SERGEF: variants seen among roughly 807,000 people sequenced by gnomAD.
SERGEF encodes secretion regulating guanine nucleotide exchange factor, also known as secretion-regulating guanine nucleotide exchange factor.
Under a neutral mutation model 50.0 loss-of-function variants are expected in SERGEF, and 51 were observed. The ratio of observed to expected loss-of-function variants is 1.02; its 90% CI spans 0.81 to 1.29. The LOEUF (loss-of-function observed/expected upper bound fraction) is 1.29, where lower values mean the gene tolerates loss of function less well. Ranked by LOEUF, SERGEF falls within the 50% of genes most tolerant of loss-of-function variation. SERGEF has a pLI of 0.00. For synonymous variants in SERGEF, 205 were observed against 212.4 expected (o/e 0.97, Z 0.30); for missense variants, 521 against 557.0 (o/e 0.94, Z 0.65).
chr11:17,972,979 GT>G (rs1315553929), intron 8 of SERGEF, among the ~76,000 whole-genome samples: 1 of 151,054 alleles, frequency 6.6e-6, no homozygotes, highest in Non-Finnish European at 1.5e-5. Context: ...ATCATCAGCA[GT>G]TTCCATCTCT....
At chr11:17,808,847 G>A (rs542526429) in intron 10 of SERGEF, among the ~76,000 whole-genome samples, 1 of 152,282 alleles carries the variant, frequency 6.6e-6, no homozygotes, top group African/African-American at 2.4e-5. Flanking sequence ...ACACTTTATA[G>A]GGTCATGACC....
chr11:17,925,836 C>G (rs1852239672), intron 9 of SERGEF, among the ~76,000 whole-genome samples: 1 of 152,130 alleles, frequency 6.6e-6, no homozygotes, highest in African/African-American at 2.4e-5. Context: ...CTCAAAAGAC[C>G]TGAATTCCAG....
At chr11:17,994,659 C>T (rs1853798354) in intron 6 of SERGEF, among the ~76,000 whole-genome samples, 1 of 152,036 alleles carries the variant, frequency 6.6e-6, no homozygotes, top group Admixed American at 6.6e-5. Context: ...TCCAAGTTTA[C>T]ATTATACATG....
intron 10 of SERGEF, among the ~76,000 whole-genome samples, chr11:17,845,118 C>T (rs553075494): frequency 6.6e-6 from 1 of 152,298 alleles, no homozygotes; most frequent in South Asian, 2.1e-4. Context: ...CAGCCATCTC[C>T]ACCAGGTTCC....
In SERGEF at chr11:17,830,649, G is replaced by GGAGAGAGAGAGAGA. The variant is rs55967425; in HGVS notation, c.1049-42250_1049-42237dup. ...GAGGGAAAGGGGGAGGGAGAGGGAGGGAGAGAGAGAGAGAGAGAGAGAGAG... is the reference window on the plus strand; with the variant it reads ...GAGGGAAAGGGGGAGGGAGAGGGAGGGAGAGAGAGAGAGAGAGAGAGAGAGAGAGAGAGAGAGAG... On this transcript the variant is annotated intron_variant, in intron 10 of 10. Coordinates refer to ENST00000265965, the MANE Select transcript of SERGEF (RefSeq NM_012139.4). 7.3e-4 allele frequency among the ~76,000 whole-genome samples: 57 copies of GGAGAGAGAGAGAGA among 77,746 alleles called. 3 individuals carry two copies. The highest frequency in any genetic ancestry group is 1.4e-3 in the African/African-American group (24 of 17,334). The allele number at this position is 77,746 out of a possible 152,430, so 51.0% of individuals were successfully genotyped here.
intron 9 of SERGEF, among the ~76,000 whole-genome samples, chr11:17,952,386 A>C (rs144905082): frequency 6.6e-6 from 1 of 152,166 alleles, no homozygotes; most frequent in South Asian, 2.1e-4. Flanking sequence ...CTCTCTTCAC[A>C]TATCCCCTTG....
At chr11:17,925,371 T>C (rs956398547) in intron 9 of SERGEF, among the ~76,000 whole-genome samples, 1 of 151,636 alleles carries the variant, frequency 6.6e-6, no homozygotes, top group Non-Finnish European at 1.5e-5. Context: ...GCAGAAGAAA[T>C]ACGCTACTGC....
chr11:17,862,022 T>A (rs1229099780), intron 10 of SERGEF, among the ~76,000 whole-genome samples: 2 of 152,232 alleles, frequency 1.3e-5, no homozygotes, highest in South Asian at 2.1e-4. Flanking sequence ...CCCCACAGGA[T>A]GAAGTTCTAG....
At chr11:17,882,534 T>G (rs560783352) in intron 9 of SERGEF, among the ~76,000 whole-genome samples, 1 of 152,048 alleles carries the variant, frequency 6.6e-6, no homozygotes, top group Non-Finnish European at 1.5e-5. Context: ...CCCACAGCAC[T>G]ATGTATCATG....
chr11:17,930,348 A>G (rs946840883), intron 9 of SERGEF, among the ~76,000 whole-genome samples: 10 of 152,212 alleles, frequency 6.6e-5, no homozygotes, highest in African/African-American at 2.4e-4. Context: ...AACTTATCAA[A>G]ACAGGATTCA....
chr11:18,000,376 G>A (rs989173452), intron 5 of SERGEF, 121 bp downstream of exon 5: 8 of 644,382 alleles, frequency 1.2e-5, no homozygotes, highest in African/African-American at 1.9e-5. Context: ...TTGGGCTCAG[G>A]AGTTCAAGGC....
At chr11:17,940,410 C>T (rs757983278) in intron 9 of SERGEF, among the ~76,000 whole-genome samples, 2 of 152,132 alleles carry the variant, frequency 1.3e-5, no homozygotes, top group Admixed American at 6.6e-5. Context: ...CCCCCACCAC[C>T]GCCCACCCAA....
chr11:18,001,024 A>G (rs1382631671), intron 4 of SERGEF, among the ~76,000 whole-genome samples: 2 of 152,170 alleles, frequency 1.3e-5, no homozygotes, highest in African/African-American at 4.8e-5. Flanking sequence ...TCTCCATCCA[A>G]CAACACCCCA....
chr11:17,999,184 G>T (rs1853907574), intron 5 of SERGEF, among the ~76,000 whole-genome samples: 1 of 152,196 alleles, frequency 6.6e-6, no homozygotes, highest in South Asian at 2.1e-4. Flanking sequence ...TTAGCCTAGG[G>T]CTAAGAAGTG....
intron 5 of SERGEF, among the ~76,000 whole-genome samples, chr11:17,996,325 G>A (rs1246768147): frequency 6.6e-6 from 1 of 152,126 alleles, no homozygotes; most frequent in Non-Finnish European, 1.5e-5. Context: ...CCTGAAGAGA[G>A]GATGCGATTT....
intron 9 of SERGEF, among the ~76,000 whole-genome samples, chr11:17,913,383 C>A (rs942595961): frequency 2.0e-5 from 3 of 152,340 alleles, no homozygotes; most frequent in African/African-American, 7.2e-5. Flanking sequence ...GCCCCTGACC[C>A]CAGCCCTAGC....
chr11:17,924,910 C>T (rs2133942457), intron 9 of SERGEF, among the ~76,000 whole-genome samples: 1 of 152,262 alleles, frequency 6.6e-6, no homozygotes. Flanking sequence ...AAAACTTTGA[C>T]CGCATGAACA....
intron 9 of SERGEF, among the ~76,000 whole-genome samples, chr11:17,946,371 G>C (rs1379515949): frequency 6.6e-6 from 1 of 152,208 alleles, no homozygotes; most frequent in South Asian, 2.1e-4. Flanking sequence ...GGATTAAAGA[G>C]ATGGTGCCTA....
chr11:17,851,381 C>T (rs978489898), intron 10 of SERGEF, among the ~76,000 whole-genome samples: 8 of 152,012 alleles, frequency 5.3e-5, no homozygotes, highest in African/African-American at 1.9e-4. Flanking sequence ...AGAGCTGTTG[C>T]AAGGAAGAAA....
Sources: allele counts gnomAD v4.1 joint callset (sites outside exome capture counted in the v4.1 genomes callset), GRCh38; gene constraint gnomAD v4.1.1; transcripts MANE v1.5; gene names NCBI Gene and HGNC (gene_info 2026-07-23, HGNC 2026-07-21).